ZNF860: variants seen among roughly 807,000 people sequenced by gnomAD.
The protein encoded by ZNF860 is zinc finger protein 860.
For synonymous variants in ZNF860, 206 were observed against 248.9 expected, an observed-to-expected ratio of 0.83 and a Z score of 1.62; for missense variants, 641 against 759.2, an observed-to-expected ratio of 0.84 and a Z score of 1.83.
At position 31,991,062 on chromosome 3, in the gene ZNF860, T is replaced by C; in HGVS notation, c.*84T>C. 1 of 1,287,030 alleles carries C rather than the reference T, an allele frequency of 7.8e-7. No homozygotes were observed. The highest frequency in any genetic ancestry group is 1.1e-6 in the Non-Finnish European group (1 of 931,724). The allele number at this position is 1,287,030 out of a possible 1,614,324, so 79.7% of individuals were successfully genotyped here. The stretch of plus-strand genomic sequence containing the variant: ...ATGAGTATAGCAAACCATCAAGCAT[T>C]AATTGACATTAGAGTCAATTCAGCA... On this transcript the variant is annotated 3_prime_UTR_variant, in exon 2 of 2. Coordinates refer to ENST00000360311, the MANE Select transcript of ZNF860 (RefSeq NM_001137674.3).
chr3:32,001,738 T>TA, the ZNF860 span, among the ~76,000 whole-genome samples: 18,154 of 144,186 alleles, frequency 0.13, 1,315 homozygotes, highest in East Asian at 0.33. Context: ...ATATCAAGTG[T>TA]AAAAAAAAAA....
chr3:31,983,149 T>G (rs1291086651), intron 1 of ZNF860, among the ~76,000 whole-genome samples: 2 of 152,338 alleles, frequency 1.3e-5, no homozygotes, highest in East Asian at 3.9e-4. Flanking sequence ...TTAGCATTAT[T>G]TTTTACCACA....
chr3:31,996,168 C>T (rs138160818), downstream of ZNF860, among the ~76,000 whole-genome samples: 1,063 of 152,216 alleles, frequency 7.0e-3, 17 homozygotes, highest in African/African-American at 0.023. Context: ...CACAGGTAAA[C>T]GCAAACAACC....
At chr3:31,984,992 A>G (rs1698914229) in intron 1 of ZNF860, among the ~76,000 whole-genome samples, 1 of 152,228 alleles carries the variant, frequency 6.6e-6, no homozygotes, top group East Asian at 1.9e-4. Context: ...TAATCCCAGC[A>G]CTTTGGGAGG....
At chr3:32,002,926 G>T in the ZNF860 span, among the ~76,000 whole-genome samples, 2 of 152,176 alleles carry the variant, frequency 1.3e-5, no homozygotes, top group Non-Finnish European at 2.9e-5. Flanking sequence ...AGACAATCAG[G>T]TCATTACAAC....
Position 31,989,004 on chromosome 3 carries a change from A to G in ZNF860, c.-76A>G, listed in dbSNP as rs1698983333. ...TTGTGATAATTTGTTTCTCGGAAAC[A>G]GATAACTAATACAGAGCAGGAAGCA... On this transcript the variant is annotated 5_prime_UTR_variant, in exon 2 of 2. Transcript: ENST00000360311. 1 of 1,562,580 alleles carries G rather than the reference A, an allele frequency of 6.4e-7. No individual in the cohort carries two copies. Among genetic ancestry groups the G allele is most frequent in the Non-Finnish European group, 8.7e-7 (1 of 1,149,722 alleles).
At chr3:32,003,705 C>G in the ZNF860 span, among the ~76,000 whole-genome samples, 1 of 152,158 alleles carries the variant, frequency 6.6e-6, no homozygotes, top group Non-Finnish European at 1.5e-5. Flanking sequence ...TTTAATTGGT[C>G]CAGGTGGACC....
At chr3:31,998,332 G>A in the ZNF860 span, among the ~76,000 whole-genome samples, 6 of 152,086 alleles carry the variant, frequency 3.9e-5, no homozygotes, top group Non-Finnish European at 8.8e-5. Flanking sequence ...CACCACTGGC[G>A]ACTCACCCTT....
At chr3:31,997,116 T>A in the ZNF860 span, among the ~76,000 whole-genome samples, 1 of 152,300 alleles carries the variant, frequency 6.6e-6, no homozygotes, top group African/African-American at 2.4e-5. Flanking sequence ...CTAGCACACA[T>A]TATGCAGTAA....
At chr3:32,001,321 G>T in the ZNF860 span, among the ~76,000 whole-genome samples, 7 of 152,262 alleles carry the variant, frequency 4.6e-5, no homozygotes, top group African/African-American at 1.7e-4. Context: ...AACCCCTACA[G>T]TCTTGCTGAT....
At chr3:31,997,374 C>T in the ZNF860 span, among the ~76,000 whole-genome samples, 1 of 151,548 alleles carries the variant, frequency 6.6e-6, no homozygotes, top group Non-Finnish European at 1.5e-5. Context: ...AAGGGATCCT[C>T]GTGCCTCAGC....
At chr3:31,991,960 A>G (rs943455254), downstream of ZNF860, among the ~76,000 whole-genome samples, 11 of 152,228 alleles carry the variant, frequency 7.2e-5, no homozygotes, top group East Asian at 1.9e-3. Context: ...AGCCTGGTCA[A>G]CATGGCAAAA....
intron 1 of ZNF860, among the ~76,000 whole-genome samples, chr3:31,982,538 A>G (rs1271895688): frequency 6.6e-6 from 1 of 152,222 alleles, no homozygotes; most frequent in Non-Finnish European, 1.5e-5. Flanking sequence ...ACATCCTTCC[A>G]GGAAGATTTC....
the ZNF860 span, among the ~76,000 whole-genome samples, chr3:32,001,621 G>A: frequency 6.6e-6 from 1 of 152,092 alleles, no homozygotes; most frequent in Non-Finnish European, 1.5e-5. Context: ...AAAATTAATT[G>A]GCATTGCTAT....
At chr3:31,986,111 T>A (rs975313696) in intron 1 of ZNF860, 6 of 152,238 alleles carry the variant, frequency 3.9e-5, no homozygotes, top group Non-Finnish European at 8.8e-5. Context: ...TTTCCTGTTA[T>A]ATTTTTATGC....
the ZNF860 span, among the ~76,000 whole-genome samples, chr3:32,003,568 G>A: frequency 6.6e-6 from 1 of 152,346 alleles, no homozygotes; most frequent in South Asian, 2.1e-4. Context: ...GTGTTTCTGA[G>A]AACTGAATAT....
intron 1 of ZNF860, among the ~76,000 whole-genome samples, chr3:31,986,725 T>A (rs1698938737): frequency 1.3e-5 from 2 of 152,146 alleles, no homozygotes; most frequent in South Asian, 4.1e-4. Context: ...AAGTAAAAAC[T>A]GAAGACCAGG....
Position 31,991,323 on chromosome 3 carries a change from T to G in ZNF860, c.*345T>G, listed in dbSNP as rs1344085794. On this transcript the variant is annotated 3_prime_UTR_variant, in exon 2 of 2. Coordinates refer to ENST00000360311, the MANE Select transcript of ZNF860 (RefSeq NM_001137674.3). ...CTGATAGGGATTTTTATGGGTATTG[T>G]GTTGAATCTAAATCACATTGGGTTA... The G allele has an allele frequency of 4.2e-6, 1 of 238,546 alleles. No homozygotes were observed. The highest frequency in any genetic ancestry group is 8.8e-6 in the Non-Finnish European group (1 of 113,626). The allele number at this position is 238,546 out of a possible 1,614,324, so 14.8% of individuals were successfully genotyped here. A position where few individuals can be genotyped will look rare whatever the true frequency, so the allele number is the denominator to read the frequency against.
chr3:31,996,355 TC>T (rs574866941), downstream of ZNF860, among the ~76,000 whole-genome samples: 4 of 152,200 alleles, frequency 2.6e-5, no homozygotes, highest in African/African-American at 4.8e-5. Context: ...CTCTAAACTC[TC>T]CCCCCCGTGC....
Sources: gnomAD v4.1 joint callset for allele counts (sites outside exome capture counted in the v4.1 genomes callset) on GRCh38, gnomAD v4.1.1 for gene constraint, MANE v1.5 for transcripts, NCBI Gene and HGNC (gene_info 2026-07-23, HGNC 2026-07-21) for gene names.